TMEM131: variants seen among roughly 807,000 people sequenced by gnomAD.
TMEM131 encodes transmembrane protein 131, also known as 2610524E03Rik.
Under a neutral mutation model 211.6 loss-of-function variants are expected in TMEM131, and 66 were observed. The observed-to-expected ratio is 0.31, with a 90% CI of 0.26 to 0.38. The LOEUF is 0.38. Among genes scored for constraint, TMEM131 ranks in the 10% least tolerant of loss-of-function variants. TMEM131 has a pLI of 1.00. For synonymous variants in TMEM131, 844 were observed against 841.3 expected (o/e 1.00, Z -0.06); for missense variants, 2,036 against 2,299.3 (o/e 0.89, Z 2.34).
intron 34 of TMEM131, 97 bp from the exon 35 acceptor site, chr2:97,766,360 C>T (rs1225578790): frequency 6.3e-7 from 1 of 1,596,688 alleles, no homozygotes; most frequent in Non-Finnish European, 8.6e-7. Context: ...AGAACACAGC[C>T]TTAGCCTTGC....
At chr2:97,772,987 G>A (rs966363627) in intron 32 of TMEM131, among the ~76,000 whole-genome samples, 1 of 152,246 alleles carries the variant, frequency 6.6e-6, no homozygotes, top group Non-Finnish European at 1.5e-5. Context: ...CCTGACTGGA[G>A]ATGGTGGTGG....
chr2:97,846,332 C>T (rs1229142101), intron 5 of TMEM131, among the ~76,000 whole-genome samples: 16 of 152,094 alleles, frequency 1.1e-4, no homozygotes, highest in Non-Finnish European at 2.2e-4. Flanking sequence ...AGATATAAAA[C>T]GGGCAACACA....
chr2:97,891,819 G>A (rs1675386160), intron 3 of TMEM131, among the ~76,000 whole-genome samples: 1 of 152,118 alleles, frequency 6.6e-6, no homozygotes, highest in Non-Finnish European at 1.5e-5. Flanking sequence ...TGCAGATTCT[G>A]GGGCCCCACC....
At chr2:97,954,367 GA>G (rs1559472208) in intron 1 of TMEM131, among the ~76,000 whole-genome samples, 1 of 152,200 alleles carries the variant, frequency 6.6e-6, no homozygotes, top group Non-Finnish European at 1.5e-5. Flanking sequence ...TAAGGGCATA[GA>G]ATGAATAACT....
chr2:97,994,699 A>C (rs1022753377), intron 1 of TMEM131, among the ~76,000 whole-genome samples: 50 of 151,910 alleles, frequency 3.3e-4, no homozygotes, highest in African/African-American at 9.2e-4. Flanking sequence ...ATGAAATTAC[A>C]CTGATTTGGT....
intron 2 of TMEM131, among the ~76,000 whole-genome samples, chr2:97,915,006 C>T (rs769888486): frequency 2.6e-5 from 4 of 152,178 alleles, no homozygotes; most frequent in Admixed American, 6.5e-5. Flanking sequence ...GTAATGCATG[C>T]GTGATCCAGT....
rs374402374 is a variant in TMEM131, at chr2:97,828,506, T to C, written c.1074+4859A>G. On this transcript the variant is annotated intron_variant, in intron 11 of 40. Transcript: ENST00000186436. Reference sequence around the variant, plus strand: ...ATGGCCACTGCTACAGGAACCAGAATAGCAGGTTTATCTACATCATTATCC... The same window carrying C: ...ATGGCCACTGCTACAGGAACCAGAACAGCAGGTTTATCTACATCATTATCC... Among the ~76,000 whole-genome samples the C allele has an allele frequency of 1.2e-3, 178 of 152,320 alleles. 3 individuals carry two copies. In the South Asian group the frequency reaches 0.036, roughly 30 times the overall value.
At chr2:97,957,954 T>C (rs1468004966) in intron 1 of TMEM131, among the ~76,000 whole-genome samples, 1 of 152,142 alleles carries the variant, frequency 6.6e-6, no homozygotes, top group Non-Finnish European at 1.5e-5. Flanking sequence ...ATAAATCAAG[T>C]ACTGGGTGCT....
At chr2:97,885,204 A>AT (rs924887853) in intron 4 of TMEM131, among the ~76,000 whole-genome samples, 50 of 149,080 alleles carry the variant, frequency 3.4e-4, no homozygotes, top group East Asian at 5.9e-4. Flanking sequence ...TTTGTGAAAG[A>AT]TTTTTTTTTT....
intron 30 of TMEM131, 58 bp downstream of exon 30, chr2:97,793,337 A>G: frequency 1.3e-6 from 2 of 1,504,662 alleles, no homozygotes; most frequent in Non-Finnish European, 1.8e-6. Flanking sequence ...TTTTTATTGT[A>G]ATTTTATCAG....
At chr2:97,843,413 G>T (rs1209763762) in intron 6 of TMEM131, among the ~76,000 whole-genome samples, 1 of 152,190 alleles carries the variant, frequency 6.6e-6, no homozygotes, top group African/African-American at 2.4e-5. Flanking sequence ...ATAGTTCACT[G>T]TGGCCTTGAA....
chr2:97,891,372 A>G (rs1465169731), intron 3 of TMEM131, among the ~76,000 whole-genome samples: 2 of 152,136 alleles, frequency 1.3e-5, no homozygotes, highest in Non-Finnish European at 2.9e-5. Flanking sequence ...GCAGCATGCC[A>G]GTGTGCTGGG....
chr2:97,993,743 T>C (rs776299526), intron 1 of TMEM131, among the ~76,000 whole-genome samples: 1 of 152,226 alleles, frequency 6.6e-6, no homozygotes, highest in Non-Finnish European at 1.5e-5. Context: ...TTATGGGTAT[T>C]AGAGAGGTGC....
chr2:97,816,197 C>T (rs1437856483), intron 12 of TMEM131, among the ~76,000 whole-genome samples: 1 of 151,986 alleles, frequency 6.6e-6, no homozygotes, highest in Admixed American at 6.6e-5. Context: ...AAAAACTAGC[C>T]AGGTGTGGTG....
At chr2:97,990,478 G>A (rs1018536794) in intron 1 of TMEM131, among the ~76,000 whole-genome samples, 10 of 152,138 alleles carry the variant, frequency 6.6e-5, no homozygotes, top group Non-Finnish European at 1.0e-4. Flanking sequence ...GTCTTAGGGC[G>A]GAATCCTGGC....
chr2:97,880,711 C>A (rs1338837404), intron 4 of TMEM131, among the ~76,000 whole-genome samples: 2 of 151,972 alleles, frequency 1.3e-5, no homozygotes, highest in African/African-American at 4.8e-5. Flanking sequence ...GGGGGGATGA[C>A]AGAGATTGGG....
chr2:97,873,183 G>A (rs1674561833), intron 4 of TMEM131, among the ~76,000 whole-genome samples: 1 of 152,248 alleles, frequency 6.6e-6, no homozygotes, highest in African/African-American at 2.4e-5. Flanking sequence ...CACGGCCGCT[G>A]TGGCCAGACT....
intron 1 of TMEM131, among the ~76,000 whole-genome samples, chr2:97,988,198 C>G (rs979790149): frequency 6.6e-6 from 1 of 152,182 alleles, no homozygotes; most frequent in South Asian, 2.1e-4. Context: ...ACAAAGACTA[C>G]TCAGTGAAGA....
intron 7 of TMEM131, among the ~76,000 whole-genome samples, chr2:97,841,110 A>C (rs964632843): frequency 6.6e-5 from 10 of 152,216 alleles, no homozygotes; most frequent in African/African-American, 2.4e-4. Flanking sequence ...GGACTATTCT[A>C]GAAAGCATTC....
Sources: gnomAD v4.1 joint callset for allele counts (sites outside exome capture counted in the v4.1 genomes callset) on GRCh38, gnomAD v4.1.1 for gene constraint, MANE v1.5 for transcripts, NCBI Gene and HGNC (gene_info 2026-07-23, HGNC 2026-07-21) for gene names.